Variants in GPBP1L1 observed in about 807,000 individuals in gnomAD.
GPBP1L1 encodes the protein vasculin-like protein 1.
Under a neutral mutation model 52.5 loss-of-function variants are expected in GPBP1L1, and 23 were observed. That is an observed-to-expected ratio of 0.44 (90% confidence interval 0.32 to 0.62). The LOEUF (loss-of-function observed/expected upper bound fraction) is 0.62, where lower values mean the gene tolerates loss of function less well. GPBP1L1 is among the 20% of genes least tolerant of loss of function. GPBP1L1 has a pLI of 0.06. For missense variants in GPBP1L1, 596 were observed against 579.3 expected (o/e 1.03, Z -0.30); for synonymous variants, 243 against 203.1 (o/e 1.20, Z -1.67).
In GPBP1L1 at chr1:45,681,064, A is replaced by G. The variant is rs562912777; in HGVS notation, c.-1098+4512T>C. 1.8e-3 allele frequency among the ~76,000 whole-genome samples: 279 copies of G among 152,230 alleles called. 1 individual carries two copies. Among genetic ancestry groups the G allele is most frequent in the Non-Finnish European group, 3.3e-3 (224 of 67,980 alleles). On this transcript the variant is annotated intron_variant, in intron 2 of 12. Transcript: ENST00000355105. ...ACAAGTAGGAAAAAAAAAAGGCAGG[A>G]AAGAAACTACCTGGAACAGTTAATA...
intron 1 of GPBP1L1, among the ~76,000 whole-genome samples, 162 bp from the exon 2 acceptor site, chr1:45,685,782 G>T (rs1427482791): frequency 6.6e-6 from 1 of 152,144 alleles, no homozygotes; most frequent in African/African-American, 2.4e-5. Flanking sequence ...ACGGGTTGGG[G>T]AGAACTAGAT....
upstream of GPBP1L1, chr1:45,687,170 T>C (rs777724927): frequency 2.6e-5 from 4 of 152,248 alleles, no homozygotes; most frequent in Non-Finnish European, 5.9e-5. Context: ...GGAGTAGTAG[T>C]TCCCCTGGAG....
Position 45,655,321 on chromosome 1 carries a change from T to C in GPBP1L1, c.61-2A>G. On this transcript the variant is annotated splice_acceptor_variant, in intron 4 of 12. Transcript: ENST00000355105. LOFTEE classifies it high-confidence loss of function. ...TTTTTCGAAGGTGGCAGTAGGTGACTAAGATGATGAAGTATGGAGAGGCAA... is the reference window on the plus strand; with the variant it reads ...TTTTTCGAAGGTGGCAGTAGGTGACCAAGATGATGAAGTATGGAGAGGCAA... The C allele has an allele frequency of 6.2e-7, 1 of 1,614,006 alleles. No individual in the cohort carries two copies. The highest frequency in any genetic ancestry group is 8.5e-7 in the Non-Finnish European group (1 of 1,179,880).
chr1:45,635,500 A>C (rs559766030), intron 8 of GPBP1L1: 2 of 152,326 alleles, frequency 1.3e-5, no homozygotes, highest in East Asian at 3.9e-4. Flanking sequence ...CAGTAGTACA[A>C]AAGATTTACT....
intron 2 of GPBP1L1, among the ~76,000 whole-genome samples, chr1:45,683,489 G>C (rs1390013282): frequency 1.3e-5 from 2 of 150,862 alleles, no homozygotes; most frequent in Admixed American, 1.3e-4. Flanking sequence ...ACAGGCGTGA[G>C]CCACCGCGCC....
chr1:45,677,657 C>T lies in GPBP1L1; in HGVS notation c.-1098+7919G>A, dbSNP rs377392993. ...AATTGTATTTCTATCACAAATTCAA[C>T]GACAACAATGGGATTTCTGTACCCA... On this transcript the variant is annotated intron_variant, in intron 2 of 12. Transcript: ENST00000355105. Among the ~76,000 whole-genome samples the T allele has an allele frequency of 2.4e-3, 372 of 152,202 alleles. 13 individuals carry two copies. In the South Asian group the frequency reaches 0.072, roughly 29 times the overall value.
intron 2 of GPBP1L1, among the ~76,000 whole-genome samples, chr1:45,679,717 C>T (rs1645189141): frequency 6.6e-6 from 1 of 152,108 alleles, no homozygotes; most frequent in Non-Finnish European, 1.5e-5. Flanking sequence ...ACTTGAATTA[C>T]TGTGCCTTCT....
chr1:45,656,839 T>C (rs1368297417), intron 4 of GPBP1L1, among the ~76,000 whole-genome samples: 4 of 138,184 alleles, frequency 2.9e-5, no homozygotes, highest in Non-Finnish European at 6.4e-5. Flanking sequence ...CTAGTTTTTG[T>C]TGTTGTTTTT....
intron 2 of GPBP1L1, among the ~76,000 whole-genome samples, chr1:45,684,110 T>C (rs1301546825): frequency 6.6e-6 from 1 of 151,372 alleles, no homozygotes; most frequent in East Asian, 2.0e-4. Context: ...TACAAAAAAT[T>C]AGCCAGGCGT....
chr1:45,648,095 C>T (rs1007646179), intron 6 of GPBP1L1, among the ~76,000 whole-genome samples: 3 of 152,092 alleles, frequency 2.0e-5, no homozygotes, highest in Non-Finnish European at 4.4e-5. Flanking sequence ...GTACCCACCA[C>T]GTCCAGCTAA....
chr1:45,629,962 T>G (rs1644509260), intron 11 of GPBP1L1, among the ~76,000 whole-genome samples: 1 of 151,904 alleles, frequency 6.6e-6, no homozygotes, highest in South Asian at 2.1e-4. Flanking sequence ...GGCTTTTTTT[T>G]TTTTTTGGGA....
intron 10 of GPBP1L1, 137 bp from the exon 11 acceptor site, chr1:45,630,743 T>C (rs1219925338): frequency 2.2e-6 from 2 of 922,350 alleles, no homozygotes; most frequent in East Asian, 5.3e-5. Context: ...TTTTTCCCCA[T>C]TTACAAATGA....
chr1:45,686,170 C>T (rs1160530551), intron 1 of GPBP1L1, among the ~76,000 whole-genome samples: 1 of 152,262 alleles, frequency 6.6e-6, no homozygotes, highest in Non-Finnish European at 1.5e-5. Flanking sequence ...GGAGCGCTTT[C>T]GCGGAGCCCC....
At chr1:45,645,774 T>G in intron 6 of GPBP1L1, 1 of 354,798 alleles carries the variant, frequency 2.8e-6, no homozygotes, top group South Asian at 2.3e-5. Context: ...TTTTGTTTTT[T>G]TTTTTTTTGA....
At chr1:45,637,546 T>TTTTTTTTTTTTTTTTTTTTTTTTTG (rs1644611866) in intron 8 of GPBP1L1, among the ~76,000 whole-genome samples, 3 of 152,068 alleles carry the variant, frequency 2.0e-5, no homozygotes, top group East Asian at 1.9e-4. Context: ...TATATTAGTT[T>TTTTTTTTTTTTTTTTTTTTTTTTTG]TCCAATCTTC....
Position 45,660,643 on chromosome 1 carries a change from A to G in GPBP1L1, c.-515T>C. 1 of 738,726 alleles carries G rather than the reference A, an allele frequency of 1.4e-6. No individual in the cohort carries two copies. The highest frequency in any genetic ancestry group is 1.9e-5 in the African/African-American group (1 of 52,478). The allele number at this position is 738,726 out of a possible 1,614,324, so 45.8% of individuals were successfully genotyped here. ...GTGGACAAATAATGTCATCAAGGTA[A>G]TAGATCAAAAATATTAAAGCCCTAT... is the stretch of plus-strand genomic sequence containing the variant. On this transcript the variant is annotated 5_prime_UTR_variant, in exon 3 of 13. Coordinates refer to ENST00000355105, the MANE Select transcript of GPBP1L1 (RefSeq NM_021639.5).
Position 45,629,507 on chromosome 1 carries a change from CA to C in GPBP1L1, c.1272+68del. On this transcript the variant is annotated intron_variant, in intron 12 of 12. Coordinates refer to ENST00000355105, the MANE Select transcript of GPBP1L1 (RefSeq NM_021639.5). ...TCACATTAAACTTGCTCCCTCAGGG[CA>C]AGAACTGTCTTGACTCCTTATTCTC... 6.9e-6 allele frequency: 3 copies of C among 436,112 alleles called. No individual in the cohort carries two copies. The South Asian group carries it at 6.9e-5, about 10-fold the overall frequency. 27.0% of individuals were successfully genotyped at this position (436,112 alleles called of 1,614,324 possible).
chr1:45,629,286 C>T (rs980600330), intron 12 of GPBP1L1, among the ~76,000 whole-genome samples: 38 of 152,190 alleles, frequency 2.5e-4, no homozygotes, highest in African/African-American at 8.7e-4. Context: ...GACCATAGCT[C>T]TGGAACACAG....
At chr1:45,629,463 C>T (rs1001041078) in intron 12 of GPBP1L1, 113 bp downstream of exon 12, 2 of 142,426 alleles carry the variant, frequency 1.4e-5, no homozygotes, top group South Asian at 4.2e-4. Flanking sequence ...ATCCCCCCCC[C>T]CCCCACCCGA....
Sources: allele counts gnomAD v4.1 joint callset (sites outside exome capture counted in the v4.1 genomes callset), GRCh38; gene constraint gnomAD v4.1.1; transcripts MANE v1.5; gene names NCBI Gene and HGNC (gene_info 2026-07-23, HGNC 2026-07-21).